PKD1L1: variants seen among roughly 807,000 people sequenced by gnomAD.
PKD1L1 encodes the protein polycystin 1 like 1, transient receptor potential channel interacting, also known as polycystin-1-like protein 1.
Under a neutral mutation model 323.4 loss-of-function variants are expected in PKD1L1, and 236 were observed. The observed-to-expected ratio is 0.73, with a 90% CI of 0.66 to 0.81. The LOEUF is 0.81. Ranked by LOEUF, PKD1L1 falls within the 40% of genes least tolerant of loss-of-function variation. The pLI, the probability that PKD1L1 is intolerant of heterozygous loss-of-function variation, is 0.00. For synonymous variants in PKD1L1, 1,344 were observed against 1,335.0 expected (o/e 1.01, Z -0.15); for missense variants, 3,320 against 3,508.0 (o/e 0.95, Z 1.35).
intron 7 of PKD1L1, among the ~76,000 whole-genome samples, chr7:47,916,494 T>C (rs1358010768): frequency 6.6e-6 from 1 of 152,116 alleles, no homozygotes; most frequent in African/African-American, 2.4e-5. Context: ...GCATAGTCAA[T>C]TTTTGCTCCA....
chr7:47,840,052 C>A lies in PKD1L1; in HGVS notation c.5553-390G>T, dbSNP rs1386443356. 6.6e-6 allele frequency among the ~76,000 whole-genome samples: 1 copy of A among 152,090 alleles called. No homozygotes were observed. Among genetic ancestry groups the A allele is most frequent in the Non-Finnish European group, 1.5e-5 (1 of 68,024 alleles). On this transcript the variant is annotated intron_variant, in intron 35 of 56. Coordinates refer to ENST00000289672, the MANE Select transcript of PKD1L1 (RefSeq NM_138295.5). The surrounding 1 kb of genome is among the most constrained non-coding windows in gnomAD (Gnocchi z 4.1). ...AGGAGAAAAAATAATTTAGCTCAGT[C>A]CTTTCATATTTTCTAAGACGCCAGG...
chr7:47,944,731 CAT>C (rs1788061772), intron 1 of PKD1L1, among the ~76,000 whole-genome samples: 1 of 152,226 alleles, frequency 6.6e-6, no homozygotes. Context: ...CTGCTGCTCT[CAT>C]GTTTGTCAGC....
chr7:47,855,128 A>G, intron 29 of PKD1L1, 27 bp downstream of exon 29: 1 of 1,611,028 alleles, frequency 6.2e-7, no homozygotes, highest in Non-Finnish European at 8.5e-7. Context: ...TAAATGAAGT[A>G]GAGATACTGA....
chr7:47,957,417 A>C, the PKD1L1 span: 1 of 152,290 alleles, frequency 6.6e-6, no homozygotes, highest in South Asian at 2.1e-4. Flanking sequence ...GATCATAAGT[A>C]GAGAAAATCC....
chr7:47,811,356 C>T (rs1784890056), intron 50 of PKD1L1, among the ~76,000 whole-genome samples: 1 of 152,100 alleles, frequency 6.6e-6, no homozygotes, highest in Non-Finnish European at 1.5e-5. Context: ...GGGTTTTCAC[C>T]ATGTTGGCCA....
In PKD1L1 at chr7:47,908,224, T is replaced by TAAC. The variant is rs1787248812; in HGVS notation, c.1252_1254dup (p.Val418dup). On this transcript the variant is annotated inframe_insertion, in exon 9 of 57. Coordinates refer to ENST00000289672, the MANE Select transcript of PKD1L1 (RefSeq NM_138295.5). ...TCGGTTCCATGAAACTCGTTATAAA[T>TAAC]AACAGCCTTGAGCATATAGACTCCT... is the stretch of plus-strand genomic sequence containing the variant. 1 of 1,614,036 alleles carries TAAC rather than the reference T, an allele frequency of 6.2e-7. No individual in the cohort carries two copies. The highest frequency in any genetic ancestry group is 1.3e-5 in the African/African-American group (1 of 74,926).
At chr7:47,884,808 T>G (rs1786646160) in intron 18 of PKD1L1, 151 bp from the exon 19 acceptor site, 2 of 718,604 alleles carry the variant, frequency 2.8e-6, no homozygotes, top group South Asian at 1.8e-5. Context: ...TCAGTGGTGG[T>G]GTCTTCCCTC....
chr7:47,908,669 A>G (rs939549377), intron 8 of PKD1L1, among the ~76,000 whole-genome samples: 1 of 152,246 alleles, frequency 6.6e-6, no homozygotes, highest in African/African-American at 2.4e-5. Flanking sequence ...AACTATGATG[A>G]TGGATGACAA....
intron 32 of PKD1L1, 71 bp from the exon 33 acceptor site, chr7:47,845,149 T>C (rs1785639074): frequency 8.0e-7 from 1 of 1,251,204 alleles, no homozygotes; most frequent in East Asian, 2.4e-5. Context: ...AATGGCATGT[T>C]GGTTAAAGGA....
Position 47,807,137 on chromosome 7 carries a change from C to G in PKD1L1, c.7827+1110G>C, listed in dbSNP as rs538487946. Among the ~76,000 whole-genome samples, 4 of 152,206 alleles carry G rather than the reference C, an allele frequency of 2.6e-5. No homozygotes were observed. In the East Asian group the frequency reaches 7.8e-4, roughly 30 times the overall value. On this transcript the variant is annotated intron_variant, in intron 52 of 56. Transcript: ENST00000289672. ...TGACAGTTGCTTTGCCTTGCTTGTG[C>G]GAGTGTTCTGTCTCATCAGATTCAT...
At chr7:47,829,749 A>G (rs1785306364) in intron 43 of PKD1L1, 148 bp from the exon 44 acceptor site, 2 of 905,422 alleles carry the variant, frequency 2.2e-6, no homozygotes, top group African/African-American at 1.7e-5. Flanking sequence ...TTCCCAGCCC[A>G]ACTACTCACC....
chr7:47,915,512 A>G lies in PKD1L1; in HGVS notation c.1148T>C (p.Leu383Ser). The change falls in exon 8 of 57, where the codon TTG (leucine) becomes TCG (serine). Residue 383 changes from leucine (L) to serine (S), a missense_variant. Coordinates refer to ENST00000289672, the MANE Select transcript of PKD1L1 (RefSeq NM_138295.5). The stretch of plus-strand genomic sequence containing the variant: ...CAGGCAGCTGTTTTCACTTTGGCAC[A>G]AGTAAACATTTAAAGTTGTATTTTG... ...ETQNTTLNVY[L>S]CQSENSCLED... 6.8e-7 allele frequency: 1 copy of G among 1,476,274 alleles called. No individual in the cohort carries two copies. The highest frequency in any genetic ancestry group is 9.5e-7 in the Non-Finnish European group (1 of 1,054,620). 91.4% of individuals were successfully genotyped at this position (1,476,274 alleles called of 1,614,324 possible).
chr7:47,813,383 C>T, intron 48 of PKD1L1, 90 bp from the exon 49 acceptor site: 1 of 1,369,388 alleles, frequency 7.3e-7, no homozygotes, highest in Non-Finnish European at 1.0e-6. Flanking sequence ...CACATGTGAA[C>T]ACCTGCTCTG....
Position 47,800,784 on chromosome 7 carries a change from G to C in PKD1L1, c.8058C>G (p.Phe2686Leu). The C allele has an allele frequency of 6.2e-7, 1 of 1,614,096 alleles. No homozygotes were observed. Among genetic ancestry groups the C allele is most frequent in the Non-Finnish European group, 8.5e-7 (1 of 1,179,990 alleles). ...VLPPGTFTDAFPGLLFHFPRR... is the reference protein window; with the variant it reads ...VLPPGTFTDALPGLLFHFPRR... ...TGGGAAAATGAAACAGCAGCCCGGG[G>C]AAGGCGTCTGTGAAGGTGCCAGGTG... is the stretch of plus-strand genomic sequence containing the variant. The change falls in exon 54 of 57, where the codon TTC becomes TTG. Residue 2686 changes from phenylalanine to leucine, a missense_variant. By Grantham distance (22) the Phe-to-Leu change is conservative. Coordinates refer to ENST00000289672, the MANE Select transcript of PKD1L1 (RefSeq NM_138295.5).
At chr7:47,828,805 G>A (rs1785286030) in intron 44 of PKD1L1, among the ~76,000 whole-genome samples, 1 of 152,178 alleles carries the variant, frequency 6.6e-6, no homozygotes, top group African/African-American at 2.4e-5. Flanking sequence ...GATGAGGAGA[G>A]GCCCAGACCG....
At chr7:47,940,413 C>A in intron 2 of PKD1L1, 96 bp from the exon 3 acceptor site, 1 of 1,326,564 alleles carries the variant, frequency 7.5e-7, no homozygotes, top group South Asian at 1.4e-5. Context: ...TACATAAGGT[C>A]AAAGCCACCT....
At chr7:47,821,047 G>T in intron 46 of PKD1L1, 29 bp downstream of exon 46, 2 of 1,395,048 alleles carry the variant, frequency 1.4e-6, no homozygotes, top group Non-Finnish European at 2.0e-6. Flanking sequence ...AATGGCCCCA[G>T]ATCTGGAAGA....
intron 24 of PKD1L1, among the ~76,000 whole-genome samples, chr7:47,873,511 G>A (rs1786328657): frequency 6.6e-6 from 1 of 151,788 alleles, no homozygotes; most frequent in Non-Finnish European, 1.5e-5. Flanking sequence ...GTCAGGCTTG[G>A]TGGCGCACAC....
chr7:47,831,137 C>A, intron 42 of PKD1L1, 80 bp downstream of exon 42: 2 of 1,518,842 alleles, frequency 1.3e-6, no homozygotes, highest in Non-Finnish European at 1.8e-6. Flanking sequence ...GATGAGTTCC[C>A]AGAAATGCAG....
Sources: allele counts gnomAD v4.1 joint callset (sites outside exome capture counted in the v4.1 genomes callset), GRCh38; gene constraint gnomAD v4.1.1; non-coding constraint Gnocchi (gnomAD v3.1); transcripts MANE v1.5; gene names NCBI Gene and HGNC (gene_info 2026-07-23, HGNC 2026-07-21).